Variants in TCTN1 observed in about 807,000 individuals in gnomAD.
The protein encoded by TCTN1 is tectonic-1.
In TCTN1, 58 loss-of-function variants were observed where a neutral mutation model predicts 65.8. The observed-to-expected ratio is 0.88, with a 90% CI of 0.71 to 1.10. The LOEUF (loss-of-function observed/expected upper bound fraction) is 1.10. TCTN1 is among the 50% of genes least tolerant of loss of function. The pLI, the probability that TCTN1 is intolerant of heterozygous loss-of-function variation, is 0.00. For synonymous variants in TCTN1, 273 were observed against 289.1 expected (o/e 0.94, Z 0.57); for missense variants, 645 against 719.4 (o/e 0.90, Z 1.18).
chr12:110,628,159 A>G (rs975687838), intron 3 of TCTN1: 1 of 1,536,064 alleles, frequency 6.5e-7, no homozygotes, highest in Non-Finnish European at 8.7e-7. Flanking sequence ...TGATACAGCA[A>G]ACTCATCAGT....
intron 12 of TCTN1, 109 bp downstream of exon 12, chr12:110,645,238 G>T: frequency 7.0e-7 from 1 of 1,426,950 alleles, no homozygotes; most frequent in Non-Finnish European, 9.6e-7. Context: ...GGCCCTGAGT[G>T]GGAGCGCGGG....
chr12:110,618,621 C>T (rs183514061), intron 1 of TCTN1, among the ~76,000 whole-genome samples: 22 of 152,016 alleles, frequency 1.4e-4, no homozygotes, highest in Admixed American at 5.2e-4. Flanking sequence ...GTGATCTGCC[C>T]GCCTCCCAAA....
At position 110,647,855 on chromosome 12, in the gene TCTN1, C is replaced by G; in HGVS notation, c.1742C>G (p.Ala581Gly). The G allele has an allele frequency of 6.2e-7, 1 of 1,614,116 alleles. No individual in the cohort carries two copies. Among genetic ancestry groups the G allele is most frequent in the Non-Finnish European group, 8.5e-7 (1 of 1,180,044 alleles). ...AGFRAPPAIN[A>G]RLPFNFFFPF... ...TTCAGAGCTCCACCAGCCATCAATG[C>G]CAGGCTGCCCTTTAACTTCTTCTTC... Residue 581 changes from alanine (A) to glycine (G), a missense_variant, in exon 14 of 15, where the codon GCC becomes GGC. By Grantham distance (60) the Ala-to-Gly change is moderately conservative. Transcript: ENST00000397659.
intron 7 of TCTN1, among the ~76,000 whole-genome samples, chr12:110,637,669 T>C (rs1296644081): frequency 6.6e-6 from 1 of 152,186 alleles, no homozygotes; most frequent in Non-Finnish European, 1.5e-5. Flanking sequence ...CTCTCCTCTT[T>C]GGTCCCAGTG....
chr12:110,627,389 G>A (rs1452722201), intron 3 of TCTN1, among the ~76,000 whole-genome samples: 1 of 152,050 alleles, frequency 6.6e-6, no homozygotes, highest in African/African-American at 2.4e-5. Flanking sequence ...GAGCTGCCTT[G>A]TCCAGCCCTC....
intron 14 of TCTN1, 77 bp downstream of exon 14, chr12:110,647,970 G>C: frequency 6.3e-7 from 1 of 1,591,986 alleles, no homozygotes; most frequent in Non-Finnish European, 8.6e-7. Context: ...AAGTCCCTAG[G>C]GGATACTGCA....
At chr12:110,627,098 C>CTTT (rs1272922586) in intron 3 of TCTN1, among the ~76,000 whole-genome samples, 2 of 130,642 alleles carry the variant, frequency 1.5e-5, no homozygotes, top group Admixed American at 1.6e-4. Context: ...TTCTTTCTTT[C>CTTT]TTTTTTTTTT....
At chr12:110,647,479 A>G (rs1393699176) in intron 13 of TCTN1, 143 bp downstream of exon 13, 82 of 1,177,488 alleles carry the variant, frequency 7.0e-5, no homozygotes, top group Non-Finnish European at 9.9e-5. Flanking sequence ...AGTCATTCTT[A>G]GAAACACTGA....
rs564432063 is a variant in TCTN1, at chr12:110,617,388, G to A, written c.221-2448G>A. Among the ~76,000 whole-genome samples, 3 of 150,852 alleles carry A rather than the reference G, an allele frequency of 2.0e-5. No homozygotes were observed. The South Asian group carries it at 6.3e-4, about 32-fold the overall frequency. On this transcript the variant is annotated intron_variant, in intron 1 of 14. Transcript: ENST00000397659. Reference sequence around the variant, plus strand: ...GCCCAGGCTGGAATGCAGTGGCGCAGTCTCAGCTCACTGCAACCTCCACCT... The same window carrying A: ...GCCCAGGCTGGAATGCAGTGGCGCAATCTCAGCTCACTGCAACCTCCACCT...
intron 4 of TCTN1, 128 bp downstream of exon 4, chr12:110,629,046 ATG>A: frequency 3.0e-6 from 3 of 990,198 alleles, no homozygotes; most frequent in Non-Finnish European, 4.6e-6. Context: ...AAAAAACTTA[ATG>A]TTCATGCCTA....
intron 7 of TCTN1, among the ~76,000 whole-genome samples, chr12:110,638,742 G>A (rs2066753423): frequency 6.6e-6 from 1 of 152,234 alleles, no homozygotes; most frequent in Admixed American, 6.5e-5. Context: ...CACCATGGAA[G>A]TGGCTCCAGC....
At chr12:110,641,219 T>C in intron 9 of TCTN1, 70 bp downstream of exon 9, 1 of 1,597,748 alleles carries the variant, frequency 6.3e-7, no homozygotes, top group Non-Finnish European at 8.6e-7. Flanking sequence ...TCTCAGTGGA[T>C]AAAACTGAAT....
chr12:110,631,063 T>A (rs796178104), intron 4 of TCTN1, among the ~76,000 whole-genome samples: 5 of 152,160 alleles, frequency 3.3e-5, no homozygotes, highest in African/African-American at 1.2e-4. Context: ...GCCTCTCAGG[T>A]TCAAGCAATT....
chr12:110,617,193 A>G (rs2065100463), intron 1 of TCTN1, among the ~76,000 whole-genome samples: 1 of 152,220 alleles, frequency 6.6e-6, no homozygotes, highest in Non-Finnish European at 1.5e-5. Flanking sequence ...TACTAGGCAC[A>G]TAGAAGAGTT....
chr12:110,621,708 G>A (rs975869768), intron 2 of TCTN1, among the ~76,000 whole-genome samples: 5 of 151,704 alleles, frequency 3.3e-5, no homozygotes, highest in Admixed American at 2.6e-4. Context: ...TTCTGACCTC[G>A]TGATCCGCCC....
rs2067176941 is a variant in TCTN1 at position 110,644,611 on chromosome 12, G to A, written c.1332-356G>A. 1 of 308,006 alleles carries A rather than the reference G, an allele frequency of 3.2e-6. No individual in the cohort carries two copies. Among genetic ancestry groups the A allele is most frequent in the South Asian group, 2.8e-5 (1 of 35,590 alleles). 19.1% of individuals were successfully genotyped at this position (308,006 alleles called of 1,614,324 possible). On this transcript the variant is annotated intron_variant, in intron 11 of 14. Transcript: ENST00000397659. The surrounding 1 kb of genome is among the most constrained non-coding windows in gnomAD (Gnocchi z 4.6). The stretch of plus-strand genomic sequence containing the variant: ...GAGAATCACTTGAACCTGGGAGGCG[G>A]TGGTTGCAGTGAGCCAAGATTGCCT...
chr12:110,641,660 A>G, intron 10 of TCTN1, 33 bp downstream of exon 10: 2 of 1,589,610 alleles, frequency 1.3e-6, no homozygotes, highest in Middle Eastern at 1.7e-4. Flanking sequence ...GGGTGGATTT[A>G]TTTCTCTCTC....
chr12:110,631,175 AGG>A (rs2066208762), intron 4 of TCTN1, among the ~76,000 whole-genome samples: 2 of 151,894 alleles, frequency 1.3e-5, no homozygotes. Context: ...CATGTTGGCC[AGG>A]CTGGTCTTCA....
At chr12:110,647,429 ATTATAAT>A in intron 13 of TCTN1, 93 bp downstream of exon 13, 1 of 1,523,550 alleles carries the variant, frequency 6.6e-7, no homozygotes, top group South Asian at 1.1e-5. Flanking sequence ...TGTGAAAAAG[ATTATAAT>A]TTAAACCATG....
Sources: allele counts gnomAD v4.1 joint callset (sites outside exome capture counted in the v4.1 genomes callset), GRCh38; gene constraint gnomAD v4.1.1; non-coding constraint Gnocchi (gnomAD v3.1); transcripts MANE v1.5; gene names NCBI Gene and HGNC (gene_info 2026-07-23, HGNC 2026-07-21).